Variants in MEGF10 observed in about 807,000 individuals in gnomAD.
MEGF10 encodes the protein multiple epidermal growth factor-like domains protein 10.
A neutral mutation model predicts 147.5 loss-of-function variants in MEGF10; 86 were observed. That is an observed-to-expected ratio of 0.58 (90% CI 0.49 to 0.70). The LOEUF is 0.70. MEGF10 is among the 30% of genes least tolerant of loss of function. The probability of loss-of-function intolerance (pLI) is 0.00; values close to 1 mark genes in which losing one functional copy is unlikely to be tolerated. For synonymous variants in MEGF10, 478 were observed against 525.5 expected, an observed-to-expected ratio of 0.91 and a Z score of 1.24; for missense variants, 1,329 against 1,487.3, an observed-to-expected ratio of 0.89 and a Z score of 1.75.
intron 1 of MEGF10, among the ~76,000 whole-genome samples, chr5:127,303,060 A>G (rs1052362892): frequency 6.6e-6 from 1 of 151,910 alleles, no homozygotes; most frequent in African/African-American, 2.4e-5. Context: ...GGTTGGGGTC[A>G]GTGCAGTGGC....
chr5:127,357,476 C>T (rs1408759180), intron 4 of MEGF10, among the ~76,000 whole-genome samples: 4 of 151,460 alleles, frequency 2.6e-5, no homozygotes, highest in African/African-American at 9.7e-5. Flanking sequence ...GAAATGAAGA[C>T]AAAAGGGAGA....
In MEGF10 at chr5:127,449,231, T is replaced by C. The variant is rs779077674; in HGVS notation, c.2980+9T>C. On this transcript the variant is annotated intron_variant, in intron 22 of 24. Transcript: ENST00000503335. ...CTACCTCAACGAGCTCGGTGAGTTC[T>C]CCCAACGCACGTCCCCAGAAGCACC... The C allele has an allele frequency of 1.9e-6, 3 of 1,613,178 alleles. No individual in the cohort carries two copies. The East Asian group carries it at 6.7e-5, about 36-fold the overall frequency.
chr5:127,384,769 C>T (rs1394641179), intron 5 of MEGF10, among the ~76,000 whole-genome samples: 2 of 152,110 alleles, frequency 1.3e-5, no homozygotes, highest in Non-Finnish European at 2.9e-5. Context: ...ATGTGAAGGA[C>T]GTGGGGTTTT....
chr5:127,369,235 T>C (rs1352920830), intron 4 of MEGF10, among the ~76,000 whole-genome samples: 1 of 152,226 alleles, frequency 6.6e-6, no homozygotes, highest in East Asian at 1.9e-4. Context: ...ATGCCTATTT[T>C]GGAAATCATC....
chr5:127,273,261 T>C, the MEGF10 span, among the ~76,000 whole-genome samples: 1 of 152,206 alleles, frequency 6.6e-6, no homozygotes, highest in African/African-American at 2.4e-5. Context: ...GGGTGGTGCA[T>C]TCACTCACTG....
chr5:127,396,795 C>T lies in MEGF10; in HGVS notation c.659+17C>T. 6.2e-7 allele frequency: 1 copy of T among 1,607,444 alleles called. No homozygotes were observed. Among genetic ancestry groups the T allele is most frequent in the Non-Finnish European group, 8.5e-7 (1 of 1,175,710 alleles). ...CGGAGCCTTGTAAGTCACATGCTGC[C>T]CAGCAGCAGAGCAGAGCCCACCCAC... is the stretch of plus-strand genomic sequence containing the variant. On this transcript the variant is annotated intron_variant, in intron 6 of 24. Coordinates refer to ENST00000503335, the MANE Select transcript of MEGF10 (RefSeq NM_001256545.2).
At chr5:127,249,714 A>C in the MEGF10 span, among the ~76,000 whole-genome samples, 2 of 152,094 alleles carry the variant, frequency 1.3e-5, no homozygotes, top group Non-Finnish European at 2.9e-5. Flanking sequence ...ATTGTGGCTT[A>C]TTCTGTTTTG....
At chr5:127,376,112 G>A (rs1043310355) in intron 5 of MEGF10, among the ~76,000 whole-genome samples, 2 of 152,194 alleles carry the variant, frequency 1.3e-5, no homozygotes, top group African/African-American at 2.4e-5. Flanking sequence ...AGGGCTAAGA[G>A]TGTACAGCCC....
intron 9 of MEGF10, among the ~76,000 whole-genome samples, chr5:127,416,512 T>C (rs1406753255): frequency 6.6e-6 from 1 of 152,188 alleles, no homozygotes; most frequent in South Asian, 2.1e-4. Context: ...ACCTTATATG[T>C]AGAGCTGTAC....
At chr5:127,258,365 T>A in the MEGF10 span, among the ~76,000 whole-genome samples, 1 of 152,336 alleles carries the variant, frequency 6.6e-6, no homozygotes. Flanking sequence ...GCACTGTACC[T>A]TAAATTCTAC....
chr5:127,382,927 A>C (rs1048375231), intron 5 of MEGF10, among the ~76,000 whole-genome samples: 12 of 152,214 alleles, frequency 7.9e-5, no homozygotes, highest in African/African-American at 2.7e-4. Context: ...ATGGTTAAGA[A>C]GTCTGGCAAT....
Position 127,435,367 on chromosome 5 carries a change from C to T in MEGF10, c.1982C>T (p.Pro661Leu), listed in dbSNP as rs1765519745. ...FTGALCNEVC[P>L]SGRFGKNCAG... The stretch of plus-strand genomic sequence containing the variant: ...ACCTATAGCTTATTCACAGTGTGTC[C>T]CAGTGGCAGATTTGGGAAAAACTGT... Residue 661 changes from proline (P) to leucine (L), a missense_variant, in exon 16 of 25, where the codon CCC becomes CTC. This residue lies in a region of MEGF10 where 980 missense variants were observed against 1,085.9 expected (regional missense o/e 0.90). Coordinates refer to ENST00000503335, the MANE Select transcript of MEGF10 (RefSeq NM_001256545.2). The T allele has an allele frequency of 8.1e-6, 13 of 1,613,664 alleles. No individual in the cohort carries two copies. Among genetic ancestry groups the T allele is most frequent in the Non-Finnish European group, 1.1e-5 (13 of 1,179,858 alleles).
At chr5:127,411,788 G>A (rs1419686156) in intron 9 of MEGF10, among the ~76,000 whole-genome samples, 1 of 152,156 alleles carries the variant, frequency 6.6e-6, no homozygotes, top group Non-Finnish European at 1.5e-5. Flanking sequence ...AATATTTAAG[G>A]AGCTGGCAGG....
In MEGF10 at chr5:127,449,107, C is replaced by A; in HGVS notation, c.2865C>A (p.Asn955Lys). ...GTTTATATTTTTAACAGTCAAAAAACAATCAACTGTTTGTGAATCTTAAAA... is the reference window on the plus strand; with the variant it reads ...GTTTATATTTTTAACAGTCAAAAAAAAATCAACTGTTTGTGAATCTTAAAA... The part of the protein sequence containing the change: ...RDRMTVTKSK[N>K]NQLFVNLKNV... The change falls in exon 22 of 25, where the codon AAC becomes AAA. Residue 955 changes from asparagine (N) to lysine (K), a missense_variant. Coordinates refer to ENST00000503335, the MANE Select transcript of MEGF10 (RefSeq NM_001256545.2). 1 of 1,613,944 alleles carries A rather than the reference C, an allele frequency of 6.2e-7. No individual in the cohort carries two copies. Among genetic ancestry groups the A allele is most frequent in the Non-Finnish European group, 8.5e-7 (1 of 1,179,930 alleles).
At chr5:127,270,652 C>A in the MEGF10 span, among the ~76,000 whole-genome samples, 2 of 152,168 alleles carry the variant, frequency 1.3e-5, no homozygotes, top group African/African-American at 2.4e-5. Flanking sequence ...TAACACCCCA[C>A]TGTCAACATT....
intron 8 of MEGF10, among the ~76,000 whole-genome samples, chr5:127,405,161 A>G (rs1764276372): frequency 6.6e-6 from 1 of 152,208 alleles, no homozygotes; most frequent in Admixed American, 6.5e-5. Flanking sequence ...ACTAGTGATT[A>G]TCAGTTTGAG....
chr5:127,359,051 C>T (rs1447638129), intron 4 of MEGF10, among the ~76,000 whole-genome samples: 1 of 148,724 alleles, frequency 6.7e-6, no homozygotes, highest in African/African-American at 2.5e-5. Context: ...TCAACACAAG[C>T]TGTTTTGTTT....
At chr5:127,395,669 C>T (rs574259397) in intron 5 of MEGF10, among the ~76,000 whole-genome samples, 22 of 151,272 alleles carry the variant, frequency 1.5e-4, no homozygotes, top group Admixed American at 1.3e-4. Flanking sequence ...CTCAGCCTCC[C>T]GAGTAGCTGG....
At chr5:127,298,547 G>C (rs909591238) in intron 1 of MEGF10, among the ~76,000 whole-genome samples, 4 of 152,122 alleles carry the variant, frequency 2.6e-5, no homozygotes, top group Non-Finnish European at 4.4e-5. Flanking sequence ...ATTTTGATTC[G>C]GTAGGTGCGT....
Sources: gnomAD v4.1 joint callset for allele counts (sites outside exome capture counted in the v4.1 genomes callset) on GRCh38, gnomAD v4.1.1 for gene constraint, gnomAD v4.1.1 regional missense constraint, MANE v1.5 for transcripts, NCBI Gene and HGNC (gene_info 2026-07-23, HGNC 2026-07-21) for gene names.